Variants in FANCC observed in about 807,000 individuals in gnomAD.
The protein encoded by FANCC is FA complementation group C, also known as Fanconi anemia group C protein.
Under a neutral mutation model 71.3 loss-of-function variants are expected in FANCC, and 55 were observed. The observed-to-expected ratio is 0.77, with a 90% CI of 0.62 to 0.97. The LOEUF (loss-of-function observed/expected upper bound fraction) is 0.97, where lower values mean the gene tolerates loss of function less well. Ranked by LOEUF, FANCC falls within the 50% of genes least tolerant of loss-of-function variation. The pLI, the probability that FANCC is intolerant of heterozygous loss-of-function variation, is 0.00. For synonymous variants in FANCC, 275 were observed against 244.9 expected, an observed-to-expected ratio of 1.12 and a Z score of -1.15; for missense variants, 678 against 670.9, an observed-to-expected ratio of 1.01 and a Z score of -0.12.
chr9:95,217,505 C>G (rs1828948280), intron 4 of FANCC, among the ~76,000 whole-genome samples: 1 of 151,608 alleles, frequency 6.6e-6, no homozygotes, highest in African/African-American at 2.4e-5. Context: ...ACAAAAAACA[C>G]ATTTCTAAAT....
At chr9:95,239,770 C>T (rs533934207) in intron 4 of FANCC, among the ~76,000 whole-genome samples, 7 of 152,260 alleles carry the variant, frequency 4.6e-5, no homozygotes, top group African/African-American at 1.7e-4. Flanking sequence ...CATCTGTTAG[C>T]AATTTTGTCT....
At chr9:95,300,639 G>A (rs1414023458) in intron 1 of FANCC, among the ~76,000 whole-genome samples, 1 of 151,986 alleles carries the variant, frequency 6.6e-6, no homozygotes, top group Admixed American at 6.6e-5. Context: ...ATTTTTAGTA[G>A]AGACGGAGTT....
intron 4 of FANCC, among the ~76,000 whole-genome samples, chr9:95,197,576 G>C (rs948516089): frequency 1.3e-5 from 2 of 152,142 alleles, no homozygotes; most frequent in African/African-American, 4.8e-5. Context: ...GAACTGTATG[G>C]TAGTTATAGT....
At chr9:95,151,927 C>CA (rs548345082) in intron 6 of FANCC, among the ~76,000 whole-genome samples, 2,918 of 98,172 alleles carry the variant, frequency 0.03, 79 homozygotes, top group African/African-American at 0.091. Context: ...AGACCTGTCT[C>CA]AAAAAAAAAA....
At chr9:95,133,593 G>A (rs1462389733) in intron 8 of FANCC, among the ~76,000 whole-genome samples, 2 of 152,162 alleles carry the variant, frequency 1.3e-5, no homozygotes. Flanking sequence ...GAGGGCCACA[G>A]GCAAAAAGGA....
chr9:95,240,670 T>C lies in FANCC; in HGVS notation c.324A>G (p.Ser108=). ...INKEPQNSGQ[S]KLNSWIQGVL... is the part of the protein sequence containing the mutation. Reference sequence around the variant, plus strand: ...TTACCTGTATCCAGGAGTTAAGTTTTGATTGTCCAGAATTCTGTGGTTCTT... The same window carrying C: ...TTACCTGTATCCAGGAGTTAAGTTTCGATTGTCCAGAATTCTGTGGTTCTT... Residue 108 remains serine (S), a synonymous_variant, in exon 4 of 15, where the codon TCA becomes TCG. Transcript: ENST00000289081. 1 of 1,612,452 alleles carries C rather than the reference T, an allele frequency of 6.2e-7. No individual in the cohort carries two copies. Among genetic ancestry groups the C allele is most frequent in the South Asian group, 1.1e-5 (1 of 91,024 alleles).
At chr9:95,199,228 G>C (rs140808848) in intron 4 of FANCC, among the ~76,000 whole-genome samples, 1 of 151,772 alleles carries the variant, frequency 6.6e-6, no homozygotes, top group Non-Finnish European at 1.5e-5. Context: ...GCCAGTTTTC[G>C]AAGCCCCCCA....
intron 6 of FANCC, among the ~76,000 whole-genome samples, chr9:95,162,449 C>A (rs935054748): frequency 6.6e-6 from 1 of 152,012 alleles, no homozygotes; most frequent in African/African-American, 2.4e-5. Context: ...GATTTTGTTC[C>A]CAATTATTTG....
rs150558009 is a variant in FANCC at position 95,258,498 on chromosome 9, G to A, written c.-78-9129C>T. Among the ~76,000 whole-genome samples the A allele has an allele frequency of 3.0e-3, 459 of 152,228 alleles. 2 individuals carry two copies. Among genetic ancestry groups the A allele is most frequent in the African/African-American group, 0.011 (439 of 41,520 alleles). The stretch of plus-strand genomic sequence containing the variant: ...TCGATAAAATGCAACATCCCTTCAT[G>A]CTAAAAACTCTCAATAAACTAGGTA... On this transcript the variant is annotated intron_variant, in intron 1 of 14. Transcript: ENST00000289081.
intron 1 of FANCC, among the ~76,000 whole-genome samples, chr9:95,299,603 G>T (rs1053536285): frequency 6.6e-6 from 1 of 152,214 alleles, no homozygotes; most frequent in African/African-American, 2.4e-5. Context: ...GCTCACACCT[G>T]TAATTCCAGC....
Position 95,237,640 on chromosome 9 carries a change from C to T in FANCC, c.345+3009G>A, listed in dbSNP as rs561984341. Among the ~76,000 whole-genome samples, 5 of 152,316 alleles carry T rather than the reference C, an allele frequency of 3.3e-5. No homozygotes were observed. The South Asian group carries it at 1.0e-3, about 32-fold the overall frequency. On this transcript the variant is annotated intron_variant, in intron 4 of 14. Transcript: ENST00000289081. ...TTTTAATTCAATTTTAATTTAAATACCGATACTTGATTCAGTTATAAAATT... is the reference window on the plus strand; with the variant it reads ...TTTTAATTCAATTTTAATTTAAATATCGATACTTGATTCAGTTATAAAATT...
intron 13 of FANCC, chr9:95,109,812 G>A (rs760245859): frequency 1.3e-5 from 2 of 152,186 alleles, no homozygotes; most frequent in Non-Finnish European, 2.9e-5. Context: ...AATCACATAC[G>A]AATCATGCTT....
intron 4 of FANCC, among the ~76,000 whole-genome samples, chr9:95,220,418 C>T (rs1216787458): frequency 6.6e-6 from 1 of 152,178 alleles, no homozygotes; most frequent in Non-Finnish European, 1.5e-5. Flanking sequence ...CACATGCACA[C>T]GTATGTTTAC....
At chr9:95,102,395 A>C (rs2071130255) in intron 14 of FANCC, among the ~76,000 whole-genome samples, 1 of 152,220 alleles carries the variant, frequency 6.6e-6, no homozygotes, top group South Asian at 2.1e-4. Flanking sequence ...ACACAGCCTC[A>C]AGGCATTCGT....
At chr9:95,272,233 C>T (rs545369152) in intron 1 of FANCC, among the ~76,000 whole-genome samples, 41 of 152,044 alleles carry the variant, frequency 2.7e-4, no homozygotes, top group African/African-American at 6.8e-4. Context: ...CCACCGCGCC[C>T]GGCCCCGCCT....
chr9:95,223,998 C>T (rs749924348), intron 4 of FANCC, among the ~76,000 whole-genome samples: 10 of 151,964 alleles, frequency 6.6e-5, no homozygotes, highest in South Asian at 2.1e-4. Flanking sequence ...AACAGACAAA[C>T]GAACAAAAAA....
At chr9:95,110,386 T>C (rs1489924765) in intron 13 of FANCC, 1 of 1,023,378 alleles carries the variant, frequency 9.8e-7, no homozygotes, top group Non-Finnish European at 1.2e-6. Flanking sequence ...ATGTGCCCCG[T>C]ACATCTTATT....
intron 4 of FANCC, among the ~76,000 whole-genome samples, chr9:95,240,401 T>C (rs549979518): frequency 6.6e-5 from 10 of 152,318 alleles, no homozygotes. Context: ...AAGAAACTTT[T>C]CAAAACCACT....
chr9:95,210,148 A>C lies in FANCC; in HGVS notation c.345+30501T>G, dbSNP rs117184290. Among the ~76,000 whole-genome samples, 506 of 152,338 alleles carry C rather than the reference A, an allele frequency of 3.3e-3. 9 individuals carry two copies. The East Asian group carries it at 0.043, about 13-fold the overall frequency. On this transcript the variant is annotated intron_variant, in intron 4 of 14. Coordinates refer to ENST00000289081, the MANE Select transcript of FANCC (RefSeq NM_000136.3). ...TTTTAGAAACAGGAAAAATTAATAT[A>C]TATTATTTATGACTAAATCAATACA...
Sources: gnomAD v4.1 joint callset for allele counts (sites outside exome capture counted in the v4.1 genomes callset) on GRCh38, gnomAD v4.1.1 for gene constraint, MANE v1.5 for transcripts, NCBI Gene and HGNC (gene_info 2026-07-23, HGNC 2026-07-21) for gene names.